The following ADAM20 variants were observed in gnomAD, a reference collection of about 807,000 sequenced individuals.
ADAM20 encodes disintegrin and metalloproteinase domain-containing protein 20.
For synonymous variants in ADAM20, 305 were observed against 310.2 expected (o/e 0.98, Z 0.18); for missense variants, 871 against 883.2 (o/e 0.99, Z 0.18).
intron 1 of ADAM20, among the ~76,000 whole-genome samples, chr14:70,533,121 G>C (rs899795703): frequency 2.0e-5 from 3 of 152,144 alleles, no homozygotes; most frequent in Non-Finnish European, 4.4e-5. Flanking sequence ...AGAGGATGTG[G>C]AGAAATAGGA....
At chr14:70,579,094 C>A in the ADAM20 span, among the ~76,000 whole-genome samples, 1 of 152,132 alleles carries the variant, frequency 6.6e-6, no homozygotes, top group Admixed American at 6.6e-5. Flanking sequence ...TCTTGATGGG[C>A]ACCTTGACTG....
At chr14:70,570,525 A>C in the ADAM20 span, among the ~76,000 whole-genome samples, 1 of 152,210 alleles carries the variant, frequency 6.6e-6, no homozygotes, top group Non-Finnish European at 1.5e-5. Flanking sequence ...AACCTAGGAG[A>C]AATGGATATA....
the ADAM20 span, among the ~76,000 whole-genome samples, chr14:70,567,469 T>C: frequency 1.3e-5 from 2 of 152,084 alleles, no homozygotes; most frequent in Admixed American, 1.3e-4. Flanking sequence ...CACCAGGAAA[T>C]GAACATGGAG....
chr14:70,537,897 G>C (rs1340541411), upstream of ADAM20, among the ~76,000 whole-genome samples: 2 of 152,122 alleles, frequency 1.3e-5, no homozygotes, highest in African/African-American at 4.8e-5. Context: ...TAAATGGCAA[G>C]AGGTTCTCTA....
chr14:70,533,005 G>A (rs2139540918), intron 1 of ADAM20, among the ~76,000 whole-genome samples: 1 of 152,202 alleles, frequency 6.6e-6, no homozygotes, highest in South Asian at 2.1e-4. Flanking sequence ...CCTCTAGCTT[G>A]GATGTTCTGT....
chr14:70,564,724 GAGAT>G, the ADAM20 span, among the ~76,000 whole-genome samples: 1 of 136,852 alleles, frequency 7.3e-6, no homozygotes, highest in Non-Finnish European at 1.6e-5. Flanking sequence ...TATCAACAAA[GAGAT>G]AGACGCAATT....
chr14:70,566,631 A>G, the ADAM20 span, among the ~76,000 whole-genome samples: 2 of 152,166 alleles, frequency 1.3e-5, no homozygotes, highest in South Asian at 4.1e-4. Context: ...ACAAAAGACA[A>G]AGAGGAAGAA....
upstream of ADAM20, among the ~76,000 whole-genome samples, chr14:70,537,558 G>A (rs2139546561): frequency 6.6e-6 from 1 of 152,252 alleles, no homozygotes; most frequent in South Asian, 2.1e-4. Context: ...AGAAATCTTG[G>A]GTATGTCCAG....
the ADAM20 span, among the ~76,000 whole-genome samples, chr14:70,550,634 T>C: frequency 6.4e-5 from 5 of 78,584 alleles, no homozygotes; most frequent in Non-Finnish European, 2.3e-5. Context: ...AATAGACCAA[T>C]AACAGGCTCT....
At chr14:70,571,779 T>A in the ADAM20 span, among the ~76,000 whole-genome samples, 1 of 152,074 alleles carries the variant, frequency 6.6e-6, no homozygotes, top group Non-Finnish European at 1.5e-5. Flanking sequence ...ATAAACAAAT[T>A]CAGTAGTTTC....
the ADAM20 span, among the ~76,000 whole-genome samples, chr14:70,574,280 C>T: frequency 8.5e-5 from 13 of 152,158 alleles, no homozygotes; most frequent in East Asian, 1.9e-4. Flanking sequence ...AATGAAAACA[C>T]GACATACCAA....
chr14:70,552,904 C>G, the ADAM20 span, among the ~76,000 whole-genome samples: 1 of 32,262 alleles, frequency 3.1e-5, no homozygotes, highest in African/African-American at 1.4e-4. Context: ...GACTTGGAAC[C>G]AACCCAAATG....
At chr14:70,531,498 G>A (rs1030512730) in intron 1 of ADAM20, among the ~76,000 whole-genome samples, 3 of 152,090 alleles carry the variant, frequency 2.0e-5, no homozygotes, top group East Asian at 3.9e-4. Flanking sequence ...AGTATGGGAA[G>A]TCCTAGCCAG....
At chr14:70,536,399 G>A (rs1191561933), upstream of ADAM20, among the ~76,000 whole-genome samples, 1 of 139,526 alleles carries the variant, frequency 7.2e-6, no homozygotes, top group East Asian at 2.2e-4. Context: ...CCAGGAGGCA[G>A]AGGTTGCGGT....
the ADAM20 span, among the ~76,000 whole-genome samples, chr14:70,542,497 C>G: frequency 6.6e-6 from 1 of 152,114 alleles, no homozygotes; most frequent in Non-Finnish European, 1.5e-5. Context: ...TCTGACAGGC[C>G]AGGAACCCCA....
the ADAM20 span, among the ~76,000 whole-genome samples, chr14:70,577,283 T>C: frequency 6.6e-6 from 1 of 152,088 alleles, no homozygotes; most frequent in Non-Finnish European, 1.5e-5. Flanking sequence ...CATGAAAAAG[T>C]GGGGTTTATT....
chr14:70,556,734 A>G, the ADAM20 span: 1 of 152,264 alleles, frequency 6.6e-6, no homozygotes, highest in Admixed American at 6.5e-5. Context: ...CAGTATTCAC[A>G]GAATGTGAAA....
the ADAM20 span, among the ~76,000 whole-genome samples, chr14:70,579,380 T>C: frequency 2.6e-5 from 4 of 152,296 alleles, no homozygotes; most frequent in Admixed American, 1.3e-4. Flanking sequence ...CCATCCTGAC[T>C]GACATGAGAT....
At chr14:70,561,567 C>T in the ADAM20 span, among the ~76,000 whole-genome samples, 1 of 152,260 alleles carries the variant, frequency 6.6e-6, no homozygotes, top group Non-Finnish European at 1.5e-5. Flanking sequence ...AGAGACCTCC[C>T]TGGCAGTCAC....
Sources: allele counts gnomAD v4.1 joint callset (sites outside exome capture counted in the v4.1 genomes callset), GRCh38; gene constraint gnomAD v4.1.1; transcripts MANE v1.5; gene names NCBI Gene and HGNC (gene_info 2026-07-23, HGNC 2026-07-21).